The following EMCN variants were observed in gnomAD, a reference collection of about 807,000 sequenced individuals.
EMCN encodes the protein endomucin, also known as MUC-14.
A neutral mutation model predicts 38.4 loss-of-function variants in EMCN; 37 were observed. The ratio of observed to expected loss-of-function variants is 0.96; its 90% confidence interval spans 0.74 to 1.27. The LOEUF (loss-of-function observed/expected upper bound fraction) is 1.27, where lower values mean the gene tolerates loss of function less well. EMCN is among the 50% of genes most tolerant of loss of function. The pLI is 0.00. For synonymous variants in EMCN, 95 were observed against 100.8 expected (o/e 0.94, Z 0.35); for missense variants, 318 against 302.8 (o/e 1.05, Z -0.37).
chr4:100,455,690 AT>A (rs1560622486), intron 4 of EMCN, among the ~76,000 whole-genome samples: 1 of 151,634 alleles, frequency 6.6e-6, no homozygotes, highest in Non-Finnish European at 1.5e-5. Context: ...TTTGATTATG[AT>A]GTGCTTTGGT....
chr4:100,492,925 C>T (rs1276309638), intron 1 of EMCN, among the ~76,000 whole-genome samples: 1 of 152,160 alleles, frequency 6.6e-6, no homozygotes, highest in South Asian at 2.1e-4. Flanking sequence ...ACAGCTTAAC[C>T]TTTTTAGCCT....
intron 11 of EMCN, among the ~76,000 whole-genome samples, chr4:100,408,460 T>C (rs1560602623): frequency 6.6e-6 from 1 of 152,214 alleles, no homozygotes; most frequent in Non-Finnish European, 1.5e-5. Flanking sequence ...GTTGAGTTCT[T>C]GTCCTTGGTT....
chr4:100,513,044 C>T (rs145990152), intron 1 of EMCN, among the ~76,000 whole-genome samples: 45 of 152,084 alleles, frequency 3.0e-4, no homozygotes, highest in African/African-American at 1.1e-3. Context: ...CTTTGTGAAA[C>T]CCTTAAATAT....
intron 1 of EMCN, among the ~76,000 whole-genome samples, chr4:100,507,402 T>A (rs1729507658): frequency 6.6e-6 from 1 of 152,174 alleles, no homozygotes; most frequent in Admixed American, 6.5e-5. Flanking sequence ...ATTAAATTTA[T>A]ACCAATATTT....
At chr4:100,475,345 A>G (rs1458028646) in intron 2 of EMCN, among the ~76,000 whole-genome samples, 1 of 145,832 alleles carries the variant, frequency 6.9e-6, no homozygotes, top group African/African-American at 2.5e-5. Flanking sequence ...ATTTTTCATA[A>G]TAAGTCCCCA....
chr4:100,400,689 T>C (rs1726233625), intron 11 of EMCN, among the ~76,000 whole-genome samples: 1 of 152,146 alleles, frequency 6.6e-6, no homozygotes, highest in South Asian at 2.1e-4. Flanking sequence ...GTTCAACTGG[T>C]AAACATCTGA....
At chr4:100,403,023 C>T (rs1434892838) in intron 11 of EMCN, among the ~76,000 whole-genome samples, 1 of 152,140 alleles carries the variant, frequency 6.6e-6, no homozygotes, top group East Asian at 1.9e-4. Context: ...TCAAACTTTG[C>T]ACCTGAAAGT....
At chr4:100,466,986 A>C (rs1348648364) in intron 3 of EMCN, among the ~76,000 whole-genome samples, 1 of 152,172 alleles carries the variant, frequency 6.6e-6, no homozygotes, top group Non-Finnish European at 1.5e-5. Context: ...TGGTGGAGGG[A>C]AAGAGTATAT....
At chr4:100,486,897 T>C in intron 1 of EMCN, 1 of 985,484 alleles carries the variant, frequency 1.0e-6, no homozygotes, top group Middle Eastern at 5.2e-4. Context: ...GCCATGCAGT[T>C]ATTTTTCCTT....
At position 100,465,630 on chromosome 4, in the gene EMCN, A is replaced by T. The variant is rs1261367090; in HGVS notation, c.260-91T>A. The T allele has an allele frequency of 4.7e-6, 3 of 643,912 alleles. No homozygotes were observed. The African/African-American group carries it at 5.6e-5, about 12-fold the overall frequency. 39.9% of individuals were successfully genotyped at this position (643,912 alleles called of 1,614,324 possible). On this transcript the variant is annotated intron_variant, in intron 3 of 11. Coordinates refer to ENST00000296420, the MANE Select transcript of EMCN (RefSeq NM_016242.4). ...ATTAATATCCAACTAAAACTTGAAG[A>T]TTAATTTCTAGAAGTCTTCTGACTA...
chr4:100,482,329 C>T (rs1006799559), intron 1 of EMCN, among the ~76,000 whole-genome samples: 10 of 151,772 alleles, frequency 6.6e-5, no homozygotes, highest in Non-Finnish European at 1.2e-4. Flanking sequence ...TAAGTCTGCA[C>T]GAAATGTGTG....
At chr4:100,401,402 C>T (rs748731208) in intron 11 of EMCN, among the ~76,000 whole-genome samples, 2 of 152,044 alleles carry the variant, frequency 1.3e-5, no homozygotes, top group Non-Finnish European at 2.9e-5. Context: ...TGAGAGAATT[C>T]GTGTAGGTTA....
chr4:100,421,901 G>T (rs72690390), intron 7 of EMCN, among the ~76,000 whole-genome samples: 27,285 of 151,990 alleles, frequency 0.18, 2,654 homozygotes, highest in Middle Eastern at 0.31. Flanking sequence ...AAATGAACAT[G>T]ATTCAAGAGA....
intron 4 of EMCN, among the ~76,000 whole-genome samples, chr4:100,462,059 A>G (rs1032477845): frequency 1.3e-5 from 2 of 152,228 alleles, no homozygotes; most frequent in African/African-American, 2.4e-5. Flanking sequence ...CATTATATCA[A>G]GTAGGGTCCA....
intron 11 of EMCN, among the ~76,000 whole-genome samples, chr4:100,408,552 C>A (rs186941164): frequency 6.6e-6 from 1 of 152,138 alleles, no homozygotes; most frequent in African/African-American, 2.4e-5. Flanking sequence ...AACATAATGA[C>A]TGGTAGATAG....
At position 100,410,209 on chromosome 4, in the gene EMCN, AC is replaced by A. The variant is rs1726512939; in HGVS notation, c.*39+72del. ...TTCCAGCTTTTGAAATTCTTTAAAAACAATCTAAGCTGCACCAGGCTAACAA... is the reference window on the plus strand; with the variant it reads ...TTCCAGCTTTTGAAATTCTTTAAAAAAATCTAAGCTGCACCAGGCTAACAA... On this transcript the variant is annotated intron_variant, in intron 11 of 11. Coordinates refer to ENST00000296420, the MANE Select transcript of EMCN (RefSeq NM_016242.4). 5.8e-6 allele frequency: 6 copies of A among 1,040,450 alleles called. No individual in the cohort carries two copies. The East Asian group carries it at 1.4e-4, about 25-fold the overall frequency. The allele number at this position is 1,040,450 out of a possible 1,614,324, so 64.5% of individuals were successfully genotyped here. A position where few individuals can be genotyped will look rare whatever the true frequency, so the allele number is the denominator to read the frequency against.
intron 5 of EMCN, among the ~76,000 whole-genome samples, chr4:100,435,366 A>T (rs1240400596): frequency 6.6e-6 from 1 of 152,204 alleles, no homozygotes; most frequent in Non-Finnish European, 1.5e-5. Flanking sequence ...CTGCTCAAGG[A>T]AATCAGAGAA....
chr4:100,424,789 A>T (rs1165679327), intron 5 of EMCN, among the ~76,000 whole-genome samples: 7 of 152,074 alleles, frequency 4.6e-5, no homozygotes, highest in African/African-American at 1.7e-4. Flanking sequence ...AGTGAGGATG[A>T]ATGCTCTTTC....
chr4:100,463,469 C>A (rs956881637), intron 4 of EMCN, among the ~76,000 whole-genome samples: 3 of 152,154 alleles, frequency 2.0e-5, no homozygotes, highest in Admixed American at 2.0e-4. Flanking sequence ...ATTTTCTTTC[C>A]TTCTGTTTTT....
Sources: allele counts gnomAD v4.1 joint callset (sites outside exome capture counted in the v4.1 genomes callset), GRCh38; gene constraint gnomAD v4.1.1; transcripts MANE v1.5; gene names NCBI Gene and HGNC (gene_info 2026-07-23, HGNC 2026-07-21).